Variants in SLC2A1 observed in about 807,000 individuals in gnomAD.
SLC2A1 encodes the protein solute carrier family 2, facilitated glucose transporter member 1.
A neutral mutation model predicts 46.6 loss-of-function variants in SLC2A1; 4 were observed. The observed-to-expected ratio is 0.09, with a 90% CI of 0.04 to 0.20. SLC2A1 has a LOEUF of 0.20. Among genes scored for constraint, SLC2A1 ranks in the 10% least tolerant of loss-of-function variants. The pLI is 1.00. For missense variants in SLC2A1, 352 were observed against 667.0 expected (o/e 0.53, Z 5.20); for synonymous variants, 253 against 270.0 (o/e 0.94, Z 0.62).
intron 2 of SLC2A1, among the ~76,000 whole-genome samples, chr1:42,937,409 A>G (rs766306163): frequency 6.6e-6 from 1 of 152,230 alleles, no homozygotes; most frequent in African/African-American, 2.4e-5. Context: ...ATGTTGGTAC[A>G]TGACTGAGCT....
intron 1 of SLC2A1, among the ~76,000 whole-genome samples, chr1:42,946,218 T>C (rs953003766): frequency 6.6e-6 from 1 of 152,224 alleles, no homozygotes; most frequent in Non-Finnish European, 1.5e-5. Flanking sequence ...CCGCTGGACC[T>C]TGTCATCAGC....
In SLC2A1 at chr1:42,947,054, G is replaced by A. The variant is rs371159527; in HGVS notation, c.19-3733C>T. Among the ~76,000 whole-genome samples the A allele has an allele frequency of 3.3e-5, 5 of 152,170 alleles. No individual in the cohort carries two copies. In the South Asian group the frequency reaches 8.3e-4, roughly 25 times the overall value. On this transcript the variant is annotated intron_variant, in intron 1 of 9. Transcript: ENST00000426263. ...TCCCTCCACAAGTGTTTGCTGGATC[G>A]GTGAAGAATAGCAAGCTACCCTCGA...
chr1:42,956,882 C>A (rs772721844), intron 1 of SLC2A1, among the ~76,000 whole-genome samples: 4 of 152,246 alleles, frequency 2.6e-5, no homozygotes, highest in Non-Finnish European at 5.9e-5. Context: ...CAACCACTTA[C>A]TAGCTGTGTG....
chr1:42,927,760 A>T lies in SLC2A1; in HGVS notation c.1123T>A (p.Phe375Ile). Residue 375 changes from phenylalanine to isoleucine, a missense_variant, in exon 9 of 10, where the codon TTT becomes ATT. By Grantham distance (21) the Phe-to-Ile change is conservative. Around this residue, in one of 5 missense-constraint regions of SLC2A1, gnomAD observed 35 missense variants for 107.2 expected, o/e 0.33. Coordinates refer to ENST00000426263, the MANE Select transcript of SLC2A1 (RefSeq NM_006516.4). The surrounding 1 kb of genome is among the most constrained non-coding windows in gnomAD (Gnocchi z 5.3). ...SYLSIVAIFGFVAFFEVGPGP... is the reference protein window; with the variant it reads ...SYLSIVAIFGIVAFFEVGPGP... ...GGACCCACTTCAAAGAAGGCCACAAAGCCAAAGATGGCCACGATGCTCAGA... is the reference window on the plus strand; with the variant it reads ...GGACCCACTTCAAAGAAGGCCACAATGCCAAAGATGGCCACGATGCTCAGA... 3.1e-6 allele frequency: 5 copies of T among 1,614,108 alleles called. No individual in the cohort carries two copies. Among genetic ancestry groups the T allele is most frequent in the Non-Finnish European group, 4.2e-6 (5 of 1,179,966 alleles).
Position 42,926,919 on chromosome 1 carries a change from AAGG to A in SLC2A1, c.*119_*121del. On this transcript the variant is annotated 3_prime_UTR_variant, in exon 10 of 10. Coordinates refer to ENST00000426263, the MANE Select transcript of SLC2A1 (RefSeq NM_006516.4). ...TCTGGACATCATTGCTGGCTGGAGA[AAGG>A]AGCCCCAGGCCCGGCTCGGCTGACA... 6.5e-7 allele frequency: 1 copy of A among 1,527,424 alleles called. No individual in the cohort carries two copies. The highest frequency in any genetic ancestry group is 8.7e-7 in the Non-Finnish European group (1 of 1,143,362). The allele number at this position is 1,527,424 out of a possible 1,614,324, so 94.6% of individuals were successfully genotyped here. A position where few individuals can be genotyped will look rare whatever the true frequency, so the allele number is the denominator to read the frequency against.
At chr1:42,936,669 C>T (rs1288207478) in intron 2 of SLC2A1, among the ~76,000 whole-genome samples, 4 of 152,140 alleles carry the variant, frequency 2.6e-5, no homozygotes, top group African/African-American at 4.8e-5. Context: ...CCAGGCCTCC[C>T]GGTAGACAGA....
At chr1:42,940,275 C>T (rs1643584066) in intron 2 of SLC2A1, among the ~76,000 whole-genome samples, 1 of 152,232 alleles carries the variant, frequency 6.6e-6, no homozygotes, top group Non-Finnish European at 1.5e-5. Flanking sequence ...CTGTGCCACC[C>T]AGTCAGCCCG....
rs1170640739 is a variant in SLC2A1, at chr1:42,929,059, C to G, written c.973-26G>C. 6.2e-7 allele frequency: 1 copy of G among 1,608,062 alleles called. No homozygotes were observed. Among genetic ancestry groups the G allele is most frequent in the Non-Finnish European group, 8.5e-7 (1 of 1,175,742 alleles). On this transcript the variant is annotated intron_variant, in intron 7 of 9. Transcript: ENST00000426263. The surrounding 1 kb of genome is among the most constrained non-coding windows in gnomAD (Gnocchi z 6.0). The stretch of plus-strand genomic sequence containing the variant: ...CTGTGGGCAGAGACAGTGTCAGTGC[C>G]ACCCCTGCCTAGTGCCCTTCTGAAC...
At chr1:42,947,565 T>TACACAC (rs373252084) in intron 1 of SLC2A1, among the ~76,000 whole-genome samples, 6 of 89,754 alleles carry the variant, frequency 6.7e-5, no homozygotes, top group African/African-American at 2.8e-4. Flanking sequence ...CTACTAAAAT[T>TACACAC]ACACACACAC....
rs1362309811 is a variant in SLC2A1, at chr1:42,930,473, C to G, written c.516+153G>C. ...TGCTGTCAACTGGGAGGCCATGGTG[C>G]TGTGTTCTCTGGACCTGTGTACCAT... is the stretch of plus-strand genomic sequence containing the variant. On this transcript the variant is annotated intron_variant, in intron 4 of 9. Coordinates refer to ENST00000426263, the MANE Select transcript of SLC2A1 (RefSeq NM_006516.4). The surrounding 1 kb of genome is among the most constrained non-coding windows in gnomAD (Gnocchi z 6.2). 1.0e-6 allele frequency: 1 copy of G among 1,004,188 alleles called. No homozygotes were observed. Among genetic ancestry groups the G allele is most frequent in the Non-Finnish European group, 1.5e-6 (1 of 648,056 alleles). The allele number at this position is 1,004,188 out of a possible 1,614,324, so 62.2% of individuals were successfully genotyped here.
intron 2 of SLC2A1, among the ~76,000 whole-genome samples, chr1:42,931,903 T>C (rs1286953636): frequency 6.7e-6 from 1 of 150,176 alleles, no homozygotes; most frequent in Non-Finnish European, 1.5e-5. Flanking sequence ...TCACCATGTC[T>C]CAAAGCCCCA....
chr1:42,956,913 C>A (rs965611606), intron 1 of SLC2A1, among the ~76,000 whole-genome samples: 31 of 152,222 alleles, frequency 2.0e-4, no homozygotes, highest in Admixed American at 1.9e-3. Flanking sequence ...ACTTATTTCC[C>A]TTCTCTGAGC....
At chr1:42,928,294 C>T (rs568536266) in intron 8 of SLC2A1, among the ~76,000 whole-genome samples, 90 of 152,336 alleles carry the variant, frequency 5.9e-4, no homozygotes, top group African/African-American at 2.0e-3. Context: ...CTTTCGGCAA[C>T]CACCAAACTT....
chr1:42,956,407 C>CAAAAAAAAAAAAAAAAAAAAAAA (rs71577684), intron 1 of SLC2A1, among the ~76,000 whole-genome samples: 6 of 44,534 alleles, frequency 1.3e-4, no homozygotes, highest in African/African-American at 6.3e-4. Flanking sequence ...ACTAAAACTA[C>CAAAAAAAAAAAAAAAAAAAAAAA]AAAAAAAAAA....
chr1:42,955,719 G>T (rs1643764948), intron 1 of SLC2A1, among the ~76,000 whole-genome samples: 1 of 152,188 alleles, frequency 6.6e-6, no homozygotes, highest in Non-Finnish European at 1.5e-5. Flanking sequence ...ATGAGTGATG[G>T]GCATAGGCAA....
intron 1 of SLC2A1, chr1:42,952,304 T>C: frequency 2.2e-6 from 1 of 450,552 alleles, no homozygotes; most frequent in Non-Finnish European, 4.5e-6. Flanking sequence ...TAGGCAGCAC[T>C]GTGTCCCCCA....
chr1:42,958,823 C>G lies in SLC2A1; in HGVS notation c.-172G>C, dbSNP rs1024961152. 3 of 603,076 alleles carry G rather than the reference C, an allele frequency of 5.0e-6. No homozygotes were observed. The highest frequency in any genetic ancestry group is 8.5e-6 in the Non-Finnish European group (3 of 351,474). The allele number at this position is 603,076 out of a possible 1,614,324, so 37.4% of individuals were successfully genotyped here. Reference sequence around the variant, plus strand: ...TCCCTGGCGTGCTCACTCGGGGACCCGCGACTAGCGACCGGCACGCTCGCT... The same window carrying G: ...TCCCTGGCGTGCTCACTCGGGGACCGGCGACTAGCGACCGGCACGCTCGCT... On this transcript the variant is annotated 5_prime_UTR_variant, in exon 1 of 10. Transcript: ENST00000426263.
intron 1 of SLC2A1, among the ~76,000 whole-genome samples, chr1:42,953,655 A>G (rs925849702): frequency 2.6e-5 from 4 of 152,210 alleles, no homozygotes; most frequent in Non-Finnish European, 5.9e-5. Context: ...CAGCTTTGCC[A>G]GTCTTGGGGA....
rs946103123 is a variant in SLC2A1 at position 42,926,673 on chromosome 1, T to G, written c.*368A>C. The G allele has an allele frequency of 1.1e-5, 15 of 1,310,444 alleles. No homozygotes were observed. The African/African-American group carries it at 1.9e-4, about 17-fold the overall frequency. 81.2% of individuals were successfully genotyped at this position (1,310,444 alleles called of 1,614,324 possible). ...CATAGGTCCAGCCCTACAGATTAGCTGGGTGAAGAAGGCAAGTGTCTCGAC... is the reference window on the plus strand; with the variant it reads ...CATAGGTCCAGCCCTACAGATTAGCGGGGTGAAGAAGGCAAGTGTCTCGAC... On this transcript the variant is annotated 3_prime_UTR_variant, in exon 10 of 10. Coordinates refer to ENST00000426263, the MANE Select transcript of SLC2A1 (RefSeq NM_006516.4).
Sources: gnomAD v4.1 joint callset for allele counts (sites outside exome capture counted in the v4.1 genomes callset) on GRCh38, gnomAD v4.1.1 for gene constraint, gnomAD v4.1.1 regional missense constraint, Gnocchi (gnomAD v3.1) non-coding constraint, MANE v1.5 for transcripts, NCBI Gene and HGNC (gene_info 2026-07-23, HGNC 2026-07-21) for gene names.